Variants in GSTCD observed in about 807,000 individuals in gnomAD.
GSTCD encodes the protein glutathione S-transferase C-terminal domain-containing protein.
A neutral mutation model predicts 68.3 loss-of-function variants in GSTCD; 44 were observed. That is an observed-to-expected ratio of 0.64 (90% confidence interval 0.51 to 0.83). The LOEUF (loss-of-function observed/expected upper bound fraction) is 0.83. Ranked by LOEUF, GSTCD falls within the 40% of genes least tolerant of loss-of-function variation. GSTCD has a pLI of 0.00. For missense variants in GSTCD, 739 were observed against 735.9 expected (o/e 1.00, Z -0.05); for synonymous variants, 273 against 255.2 (o/e 1.07, Z -0.67).
intron 9 of GSTCD, among the ~76,000 whole-genome samples, chr4:105,834,999 A>C (rs1430398832): frequency 3.9e-5 from 6 of 152,214 alleles, no homozygotes; most frequent in Non-Finnish European, 7.3e-5. Flanking sequence ...TATAAGGCAA[A>C]TTACTTAAAA....
In GSTCD at chr4:105,720,271, T is replaced by C. The variant is rs539973178; in HGVS notation, c.894+744T>C. Among the ~76,000 whole-genome samples the C allele has an allele frequency of 1.1e-4, 17 of 152,332 alleles. No homozygotes were observed. The South Asian group carries it at 3.3e-3, about 30-fold the overall frequency. On this transcript the variant is annotated intron_variant, in intron 3 of 11. Coordinates refer to ENST00000515279, the MANE Select transcript of GSTCD (RefSeq NM_001370181.1). ...GGTGAAAATAATACCAGAGTGAACA[T>C]AGGAAGCTTAGCTCTCTGCAGCCTT... is the stretch of plus-strand genomic sequence containing the variant.
At chr4:105,750,504 A>G (rs1733977220) in intron 5 of GSTCD, among the ~76,000 whole-genome samples, 1 of 151,964 alleles carries the variant, frequency 6.6e-6, no homozygotes, top group Admixed American at 6.6e-5. Flanking sequence ...CTGAATGCTG[A>G]CAAGGATGCA....
chr4:105,752,585 T>G (rs1734044086), intron 5 of GSTCD, among the ~76,000 whole-genome samples: 1 of 152,038 alleles, frequency 6.6e-6, no homozygotes, highest in African/African-American at 2.4e-5. Flanking sequence ...TTGTCTGGGT[T>G]TTTTTGTGTC....
At chr4:105,791,787 ATT>A (rs35812836) in intron 5 of GSTCD, among the ~76,000 whole-genome samples, 92,525 of 151,844 alleles carry the variant, frequency 0.61, 33,861 homozygotes, top group East Asian at 0.9. Context: ...TAAATACAGT[ATT>A]CCAAATGCAT....
rs1323045758 is a variant in GSTCD, at chr4:105,708,833, A to C, written c.-205A>C. 3 of 154,020 alleles carry C rather than the reference A, an allele frequency of 1.9e-5. No homozygotes were observed. Among genetic ancestry groups the C allele is most frequent in the African/African-American group, 7.2e-5 (3 of 41,464 alleles). The allele number at this position is 154,020 out of a possible 1,614,324, so 9.5% of individuals were successfully genotyped here. A position where few individuals can be genotyped will look rare whatever the true frequency, so the allele number is the denominator to read the frequency against. ...CGGATTATGAATGACGGCCGGCGCG[A>C]GTATTTTCCACATAAGGTGGCTGTC... On this transcript the variant is annotated 5_prime_UTR_variant, in exon 1 of 12. Coordinates refer to ENST00000515279, the MANE Select transcript of GSTCD (RefSeq NM_001370181.1).
chr4:105,818,709 A>T (rs1723129709), intron 5 of GSTCD, among the ~76,000 whole-genome samples: 1 of 151,788 alleles, frequency 6.6e-6, no homozygotes, highest in Non-Finnish European at 1.5e-5. Flanking sequence ...ACGAGACAGA[A>T]TGTGGTGAGC....
chr4:105,769,560 C>G (rs1386017237), intron 5 of GSTCD, among the ~76,000 whole-genome samples: 1 of 152,014 alleles, frequency 6.6e-6, no homozygotes, highest in Non-Finnish European at 1.5e-5. Flanking sequence ...TCCTCTGCAC[C>G]TTTGCAATTG....
At chr4:105,808,210 C>T (rs148584773) in intron 5 of GSTCD, among the ~76,000 whole-genome samples, 7 of 152,190 alleles carry the variant, frequency 4.6e-5, no homozygotes, top group African/African-American at 1.4e-4. Flanking sequence ...AACCCCTTAT[C>T]AGTCTCCTTA....
intron 5 of GSTCD, among the ~76,000 whole-genome samples, chr4:105,749,502 TAAAAC>T (rs1733932571): frequency 6.9e-6 from 1 of 145,334 alleles, no homozygotes; most frequent in African/African-American, 2.5e-5. Flanking sequence ...AACAGAATAA[TAAAAC>T]AATAAAACAG....
chr4:105,727,788 C>T (rs1348445472), intron 4 of GSTCD, among the ~76,000 whole-genome samples: 1 of 151,510 alleles, frequency 6.6e-6, no homozygotes, highest in African/African-American at 2.4e-5. Flanking sequence ...AATGGGCTTT[C>T]CTTTCCCTAA....
intron 5 of GSTCD, among the ~76,000 whole-genome samples, chr4:105,814,916 G>A (rs990549899): frequency 6.6e-6 from 1 of 152,168 alleles, no homozygotes; most frequent in African/African-American, 2.4e-5. Flanking sequence ...TGCCTTTGCG[G>A]TTTATACAGA....
intron 5 of GSTCD, among the ~76,000 whole-genome samples, chr4:105,736,419 A>T (rs1286157573): frequency 1.3e-5 from 2 of 152,110 alleles, no homozygotes; most frequent in Non-Finnish European, 2.9e-5. Context: ...TTGGTTTTTC[A>T]GCTTCAGATT....
At chr4:105,821,368 T>C (rs1723283065) in intron 5 of GSTCD, among the ~76,000 whole-genome samples, 1 of 151,830 alleles carries the variant, frequency 6.6e-6, no homozygotes, top group Admixed American at 6.6e-5. Context: ...ATGACAAAAA[T>C]CTCTTAGGAG....
chr4:105,831,876 C>G (rs1723911118), intron 8 of GSTCD, among the ~76,000 whole-genome samples: 1 of 152,096 alleles, frequency 6.6e-6, no homozygotes, highest in South Asian at 2.1e-4. Flanking sequence ...GCAGAGGTTG[C>G]AGGGAGTCGA....
At chr4:105,769,243 A>G (rs867561407) in intron 5 of GSTCD, among the ~76,000 whole-genome samples, 4,591 of 129,170 alleles carry the variant, frequency 0.036, 85 homozygotes, top group Middle Eastern at 0.05. Flanking sequence ...GCACACACAC[A>G]CACACACACA....
chr4:105,790,500 G>A (rs2149254951), intron 5 of GSTCD, among the ~76,000 whole-genome samples: 1 of 152,176 alleles, frequency 6.6e-6, no homozygotes, highest in Admixed American at 6.5e-5. Context: ...CAATTAGCCA[G>A]GTGTAGTGGT....
chr4:105,744,544 A>T (rs964968146), intron 5 of GSTCD, among the ~76,000 whole-genome samples: 8 of 151,982 alleles, frequency 5.3e-5, no homozygotes, highest in African/African-American at 1.9e-4. Context: ...CAACTCATAA[A>T]TTTTTATTTT....
At chr4:105,714,601 T>C (rs188897554) in intron 1 of GSTCD, among the ~76,000 whole-genome samples, 2 of 151,914 alleles carry the variant, frequency 1.3e-5, no homozygotes, top group Non-Finnish European at 2.9e-5. Flanking sequence ...AAAATTATAT[T>C]AGTACATAAT....
At chr4:105,834,652 AC>A in intron 9 of GSTCD, 58 bp downstream of exon 9, 1 of 1,491,440 alleles carries the variant, frequency 6.7e-7, no homozygotes, top group Non-Finnish European at 9.1e-7. Flanking sequence ...AGGACACAAA[AC>A]TTGTTTGATA....
Sources: gnomAD v4.1 joint callset for allele counts (sites outside exome capture counted in the v4.1 genomes callset) on GRCh38, gnomAD v4.1.1 for gene constraint, MANE v1.5 for transcripts, NCBI Gene and HGNC (gene_info 2026-07-23, HGNC 2026-07-21) for gene names.